The following ABCB11 variants were observed in gnomAD, a reference collection of about 807,000 sequenced individuals.
ABCB11 encodes the protein ATP binding cassette subfamily B member 11.
Under a neutral mutation model 148.0 loss-of-function variants are expected in ABCB11, and 95 were observed. The observed-to-expected ratio is 0.64, with a 90% CI of 0.54 to 0.76. The LOEUF (loss-of-function observed/expected upper bound fraction) is 0.76, where lower values mean the gene tolerates loss of function less well. Among genes scored for constraint, ABCB11 ranks in the 30% least tolerant of loss-of-function variants. ABCB11 has a pLI of 0.00. For missense variants in ABCB11, 1,523 were observed against 1,617.8 expected (o/e 0.94, Z 1.01); for synonymous variants, 591 against 555.4 (o/e 1.06, Z -0.90).
rs1459273753 is a variant in ABCB11 at position 168,964,205 on chromosome 2, C to T, written c.2178+1G>A. The T allele has an allele frequency of 9.0e-6, 14 of 1,551,674 alleles. No individual in the cohort carries two copies. Among genetic ancestry groups the T allele is most frequent in the Non-Finnish European group, 1.1e-5 (13 of 1,145,422 alleles). On this transcript the variant is annotated splice_donor_variant, in intron 18 of 27. Coordinates refer to ENST00000650372, the MANE Select transcript of ABCB11 (RefSeq NM_003742.4). LOFTEE classifies it high-confidence loss of function. ...CCCCCCATAAGCAGTTGGTGCCTGA[C>T]CTTTCTATCTTCTTCATAGGTAGAC...
chr2:168,922,587 A>T lies in ABCB11; in HGVS notation c.*1035T>A, dbSNP rs1691116156. Among the ~76,000 whole-genome samples, 3 of 152,038 alleles carry T rather than the reference A, an allele frequency of 2.0e-5. No homozygotes were observed. The South Asian group carries it at 6.2e-4, about 32-fold the overall frequency. On this transcript the variant is annotated 3_prime_UTR_variant, in exon 28 of 28. Transcript: ENST00000650372. ...ACAGGTTACATTTTTGTTTTCTCTCATCTTGTAACTCTATTATCAATTGTC... is the reference window on the plus strand; with the variant it reads ...ACAGGTTACATTTTTGTTTTCTCTCTTCTTGTAACTCTATTATCAATTGTC...
intron 7 of ABCB11, among the ~76,000 whole-genome samples, chr2:168,994,443 C>T (rs530317267): frequency 6.6e-6 from 1 of 152,220 alleles, no homozygotes; most frequent in Non-Finnish European, 1.5e-5. Flanking sequence ...TGAATACAGA[C>T]TCTTGTTGGG....
chr2:168,987,865 T>A (rs1394520190), intron 9 of ABCB11, among the ~76,000 whole-genome samples: 4 of 152,234 alleles, frequency 2.6e-5, no homozygotes, highest in African/African-American at 9.6e-5. Flanking sequence ...GGCATTTCTT[T>A]ATTATTTTTT....
In ABCB11 at chr2:168,997,890, G is replaced by A. The variant is rs143510839; in HGVS notation, c.390-1168C>T. Among the ~76,000 whole-genome samples, 604 of 152,082 alleles carry A rather than the reference G, an allele frequency of 4.0e-3. 3 individuals carry two copies. The highest frequency in any genetic ancestry group is 0.013 in the African/African-American group (542 of 41,512). On this transcript the variant is annotated intron_variant, in intron 5 of 27. Transcript: ENST00000650372. Reference sequence around the variant, plus strand: ...TGGGCTTACACTGCTTGGTCACTCTGCCTGAAATCAATAAATGTTTCCTGA... The same window carrying A: ...TGGGCTTACACTGCTTGGTCACTCTACCTGAAATCAATAAATGTTTCCTGA...
chr2:168,965,771 T>G lies in ABCB11; in HGVS notation c.2076-1463A>C, dbSNP rs375046836. ...ATTCACATATCTTTCTCTACCATTT[T>G]GCATCCAAGTGAAATTTCACCAAAA... On this transcript the variant is annotated intron_variant, in intron 17 of 27. Transcript: ENST00000650372. Among the ~76,000 whole-genome samples the G allele has an allele frequency of 6.6e-5, 10 of 151,976 alleles. No individual in the cohort carries two copies. In the East Asian group the frequency reaches 1.8e-3, roughly 27 times the overall value.
intron 18 of ABCB11, among the ~76,000 whole-genome samples, chr2:168,963,067 T>C (rs1693145246): frequency 6.6e-6 from 1 of 151,804 alleles, no homozygotes; most frequent in Non-Finnish European, 1.5e-5. Context: ...AATCAATGTT[T>C]GTAATTACTG....
chr2:168,926,115 T>A (rs942690976), intron 26 of ABCB11, among the ~76,000 whole-genome samples: 1 of 152,212 alleles, frequency 6.6e-6, no homozygotes, highest in Non-Finnish European at 1.5e-5. Context: ...GGGATATTTT[T>A]AAAAAGTAAG....
intron 5 of ABCB11, among the ~76,000 whole-genome samples, chr2:169,009,789 CTG>C (rs1350184847): frequency 6.8e-6 from 1 of 147,972 alleles, no homozygotes; most frequent in Non-Finnish European, 1.5e-5. Context: ...ATGCACAACT[CTG>C]TAAATATACT....
chr2:168,928,115 G>T (rs145546920), intron 25 of ABCB11, among the ~76,000 whole-genome samples: 1 of 152,030 alleles, frequency 6.6e-6, no homozygotes, highest in Non-Finnish European at 1.5e-5. Context: ...TGTGATAAAT[G>T]GTATGAACAG....
chr2:168,977,909 C>T (rs1367352259), intron 11 of ABCB11, among the ~76,000 whole-genome samples: 1 of 152,128 alleles, frequency 6.6e-6, no homozygotes, highest in Non-Finnish European at 1.5e-5. Flanking sequence ...ATGGGGATTA[C>T]AGTTCAAGAT....
Position 168,923,129 on chromosome 2 carries a change from G to A in ABCB11, c.*493C>T. ...ACAAATTTAGTTAAGAAACACAGCT[G>A]GTCTTCAGTCCTTCTGTTCTTTTCA... On this transcript the variant is annotated 3_prime_UTR_variant, in exon 28 of 28. Coordinates refer to ENST00000650372, the MANE Select transcript of ABCB11 (RefSeq NM_003742.4). 1 of 157,170 alleles carries A rather than the reference G, an allele frequency of 6.4e-6. No homozygotes were observed. The highest frequency in any genetic ancestry group is 1.4e-5 in the Non-Finnish European group (1 of 71,024). The allele number at this position is 157,170 out of a possible 1,614,324, so 9.7% of individuals were successfully genotyped here. A position where few individuals can be genotyped will look rare whatever the true frequency, so the allele number is the denominator to read the frequency against.
chr2:168,967,422 T>G (rs1293693335), intron 17 of ABCB11, among the ~76,000 whole-genome samples: 1 of 151,962 alleles, frequency 6.6e-6, no homozygotes, highest in Admixed American at 6.6e-5. Flanking sequence ...CCTGAAGTAT[T>G]TATCTACATC....
chr2:169,014,232 A>C, intron 4 of ABCB11, 71 bp downstream of exon 4: 106 of 1,107,016 alleles, frequency 9.6e-5, no homozygotes, highest in Non-Finnish European at 1.4e-4. Context: ...CTAAAGATTT[A>C]ACACTCCCCT....
intron 11 of ABCB11, among the ~76,000 whole-genome samples, chr2:168,978,024 A>G (rs1442879842): frequency 1.3e-5 from 2 of 152,108 alleles, no homozygotes; most frequent in African/African-American, 4.8e-5. Context: ...AAAGGTAAGA[A>G]ATAATTTTTA....
In ABCB11 at chr2:168,922,002, C is replaced by T. The variant is rs895480819; in HGVS notation, c.*1620G>A. 6.6e-6 allele frequency among the ~76,000 whole-genome samples: 1 copy of T among 151,980 alleles called. No individual in the cohort carries two copies. The highest frequency in any genetic ancestry group is 2.4e-5 in the African/African-American group (1 of 41,396). ...TAGCTGGGACTACAGGCGCCCGCCA[C>T]CACGCCCGGCTAATTTTTTTGTATT... On this transcript the variant is annotated 3_prime_UTR_variant, in exon 28 of 28. Transcript: ENST00000650372.
intron 22 of ABCB11, among the ~76,000 whole-genome samples, chr2:168,935,796 G>A (rs1248806044): frequency 6.6e-6 from 1 of 152,116 alleles, no homozygotes; most frequent in Admixed American, 6.5e-5. Flanking sequence ...CCCAAGCCTG[G>A]GGGACTCTAA....
In ABCB11 at chr2:168,990,860, T is replaced by C. The variant is rs775018948; in HGVS notation, c.849A>G (p.Glu283=). ...CCACTGTTCTCATTGATGAAATGAC[T>C]TCATCAGCCACCACCCCTGCTTTGG... The part of the protein sequence containing the change: ...AYAKAGVVAD[E]VISSMRTVAA... Residue 283 remains glutamate (E), a synonymous_variant, in exon 9 of 28, where the codon GAA becomes GAG. Coordinates refer to ENST00000650372, the MANE Select transcript of ABCB11 (RefSeq NM_003742.4). 2.5e-6 allele frequency: 4 copies of C among 1,613,158 alleles called. No homozygotes were observed. In the East Asian group the frequency reaches 8.9e-5, roughly 36 times the overall value.
At chr2:168,960,795 CA>C (rs1693039487) in intron 18 of ABCB11, among the ~76,000 whole-genome samples, 1 of 151,510 alleles carries the variant, frequency 6.6e-6, no homozygotes, top group African/African-American at 2.4e-5. Context: ...GAAAACAATA[CA>C]AAAAATAATT....
At position 168,923,264 on chromosome 2, in the gene ABCB11, G is replaced by A. The variant is rs1427630762; in HGVS notation, c.*358C>T. 6 of 314,064 alleles carry A rather than the reference G, an allele frequency of 1.9e-5. No homozygotes were observed. The highest frequency in any genetic ancestry group is 3.5e-5 in the Non-Finnish European group (6 of 169,238). 19.5% of individuals were successfully genotyped at this position (314,064 alleles called of 1,614,324 possible). A position where few individuals can be genotyped will look rare whatever the true frequency, so the allele number is the denominator to read the frequency against. ...AAAGACAGTTCTCTGCCCTTGAGGA[G>A]TTCAAAGTGTCACTTACTCCCTGAT... On this transcript the variant is annotated 3_prime_UTR_variant, in exon 28 of 28. Coordinates refer to ENST00000650372, the MANE Select transcript of ABCB11 (RefSeq NM_003742.4).
Sources: gnomAD v4.1 joint callset for allele counts (sites outside exome capture counted in the v4.1 genomes callset) on GRCh38, gnomAD v4.1.1 for gene constraint, MANE v1.5 for transcripts, NCBI Gene and HGNC (gene_info 2026-07-23, HGNC 2026-07-21) for gene names.